Variants in NXPH1 observed in about 807,000 individuals in gnomAD.
NXPH1 encodes neurexophilin 1.
In NXPH1, 5 loss-of-function variants were observed where a neutral mutation model predicts 23.7. The ratio of observed to expected loss-of-function variants is 0.21; its 90% CI spans 0.11 to 0.44. The LOEUF is 0.44. NXPH1 is among the 20% of genes least tolerant of loss of function. The pLI is 0.99. For missense variants in NXPH1, 324 were observed against 321.6 expected, an observed-to-expected ratio of 1.01 and a Z score of -0.06; for synonymous variants, 144 against 122.2, an observed-to-expected ratio of 1.18 and a Z score of -1.18.
intron 2 of NXPH1, among the ~76,000 whole-genome samples, chr7:8,743,989 A>G (rs1222148666): frequency 6.6e-6 from 1 of 152,152 alleles, no homozygotes; most frequent in South Asian, 2.1e-4. Flanking sequence ...CTGCCAAAGC[A>G]TGGCAACTCT....
chr7:8,490,598 C>T (rs1817233218), intron 2 of NXPH1, among the ~76,000 whole-genome samples: 1 of 151,956 alleles, frequency 6.6e-6, no homozygotes, highest in African/African-American at 2.4e-5. Context: ...GAGCGCTTTG[C>T]TTCCTGTGAA....
At chr7:8,734,427 T>G (rs529845863) in intron 2 of NXPH1, among the ~76,000 whole-genome samples, 43 of 152,302 alleles carry the variant, frequency 2.8e-4, no homozygotes, top group African/African-American at 1.0e-3. Context: ...AATGGTAGCT[T>G]GATGGGGATA....
chr7:8,534,666 T>C lies in NXPH1; in HGVS notation c.54+98899T>C, dbSNP rs970569818. ...AAAAAGAAATATCAAACAATAACAG[T>C]ATCTTACATTTATAAATTATCGTAC... On this transcript the variant is annotated intron_variant, in intron 2 of 2. Transcript: ENST00000405863. Among the ~76,000 whole-genome samples the C allele has an allele frequency of 2.0e-4, 30 of 152,282 alleles. 3 individuals carry two copies. The East Asian group carries it at 4.3e-3, about 22-fold the overall frequency.
At chr7:8,493,572 T>C (rs988957945) in intron 2 of NXPH1, among the ~76,000 whole-genome samples, 1 of 152,094 alleles carries the variant, frequency 6.6e-6, no homozygotes, top group Non-Finnish European at 1.5e-5. Context: ...TTAAACTTCA[T>C]TGTTATATGA....
At chr7:8,547,862 A>G (rs1232853994) in intron 2 of NXPH1, among the ~76,000 whole-genome samples, 1 of 151,458 alleles carries the variant, frequency 6.6e-6, no homozygotes, top group African/African-American at 2.4e-5. Flanking sequence ...ACTTAATGGT[A>G]TATATATGAA....
At chr7:8,698,427 T>C (rs1779569431) in intron 2 of NXPH1, among the ~76,000 whole-genome samples, 1 of 152,208 alleles carries the variant, frequency 6.6e-6, no homozygotes, top group Non-Finnish European at 1.5e-5. Flanking sequence ...TTGATGGTAA[T>C]GCCACCCCTG....
intron 2 of NXPH1, among the ~76,000 whole-genome samples, chr7:8,643,158 C>T (rs1362889665): frequency 5.2e-5 from 6 of 115,102 alleles, no homozygotes; most frequent in South Asian, 3.4e-4. Flanking sequence ...CCACCATGCC[C>T]GGCCAGGCAT....
chr7:8,655,400 TTCTC>T (rs869162322), intron 2 of NXPH1, among the ~76,000 whole-genome samples: 2,294 of 42,368 alleles, frequency 0.054, 31 homozygotes, highest in East Asian at 0.25. Flanking sequence ...GTCTTTGTCT[TTCTC>T]TCTCTCTCTC....
At chr7:8,748,732 A>AGTTTCAG (rs1190961895) in intron 2 of NXPH1, among the ~76,000 whole-genome samples, 1 of 152,178 alleles carries the variant, frequency 6.6e-6, no homozygotes. Flanking sequence ...GCCTACCCAG[A>AGTTTCAG]GTTTCAGTTT....
intron 2 of NXPH1, among the ~76,000 whole-genome samples, chr7:8,475,931 C>T (rs1415704784): frequency 6.6e-6 from 1 of 152,140 alleles, no homozygotes; most frequent in African/African-American, 2.4e-5. Flanking sequence ...TCTGCCACCC[C>T]TGCACAACCT....
chr7:8,477,162 A>C (rs1302305202), intron 2 of NXPH1, among the ~76,000 whole-genome samples: 1 of 152,114 alleles, frequency 6.6e-6, no homozygotes, highest in Non-Finnish European at 1.5e-5. Flanking sequence ...CATATGGGGC[A>C]TGACTCTATA....
At chr7:8,460,238 C>A (rs1408549268) in intron 2 of NXPH1, among the ~76,000 whole-genome samples, 1 of 151,870 alleles carries the variant, frequency 6.6e-6, no homozygotes, top group Non-Finnish European at 1.5e-5. Flanking sequence ...AAAAATTTTA[C>A]CTGAAATTTA....
chr7:8,658,591 A>T (rs777072311), intron 2 of NXPH1, among the ~76,000 whole-genome samples: 1 of 152,230 alleles, frequency 6.6e-6, no homozygotes, highest in South Asian at 2.1e-4. Context: ...TTTCTTATCT[A>T]TCCTTGGCTT....
intron 2 of NXPH1, among the ~76,000 whole-genome samples, chr7:8,474,046 A>T (rs2128608809): frequency 6.6e-6 from 1 of 152,242 alleles, no homozygotes; most frequent in East Asian, 1.9e-4. Context: ...ACTACTCTGA[A>T]TCAAAAAGCC....
At chr7:8,739,194 AAAAAAAAAAAC>A (rs1780318463) in intron 2 of NXPH1, among the ~76,000 whole-genome samples, 2 of 134,678 alleles carry the variant, frequency 1.5e-5, no homozygotes, top group Admixed American at 7.4e-5. Context: ...AAAAAAAAAA[AAAAAAAAAAAC>A]CCTGCAGCTA....
chr7:8,460,692 C>G (rs1022673263), intron 2 of NXPH1, among the ~76,000 whole-genome samples: 1 of 152,166 alleles, frequency 6.6e-6, no homozygotes, highest in Non-Finnish European at 1.5e-5. Flanking sequence ...GCACTCCAGG[C>G]TTTTGTTTAT....
intron 2 of NXPH1, among the ~76,000 whole-genome samples, chr7:8,571,411 GA>G (rs1419946866): frequency 6.6e-6 from 1 of 151,798 alleles, no homozygotes; most frequent in Non-Finnish European, 1.5e-5. Context: ...GGAAACACAG[GA>G]AAAGGGGAAA....
intron 2 of NXPH1, among the ~76,000 whole-genome samples, chr7:8,628,680 G>A (rs1189014464): frequency 6.6e-6 from 1 of 151,824 alleles, no homozygotes; most frequent in African/African-American, 2.4e-5. Context: ...ATTCAACAAT[G>A]TTCTTGAGTG....
intron 2 of NXPH1, among the ~76,000 whole-genome samples, chr7:8,467,375 G>A (rs9639042): frequency 0.39 from 59,215 of 151,966 alleles, 11,805 homozygotes; most frequent in East Asian, 0.61. Flanking sequence ...ATGCACATTT[G>A]CATATAGTTG....
Sources: allele counts gnomAD v4.1 joint callset (sites outside exome capture counted in the v4.1 genomes callset), GRCh38; gene constraint gnomAD v4.1.1; transcripts MANE v1.5; gene names NCBI Gene and HGNC (gene_info 2026-07-23, HGNC 2026-07-21).